ST7: variants seen among roughly 807,000 people sequenced by gnomAD.
ST7 encodes suppression of tumorigenicity 7.
ST7 carries 28 observed loss-of-function variants against 78.7 expected under a neutral mutation model. The ratio of observed to expected loss-of-function variants is 0.36; its 90% CI spans 0.26 to 0.49. The LOEUF (loss-of-function observed/expected upper bound fraction) is 0.49. ST7 is among the 20% of genes least tolerant of loss of function. The pLI is 0.99. For synonymous variants in ST7, 247 were observed against 249.6 expected (o/e 0.99, Z 0.10); for missense variants, 418 against 696.0 (o/e 0.60, Z 4.49).
chr7:117,197,293 T>C (rs1810409552), intron 12 of ST7, among the ~76,000 whole-genome samples: 1 of 152,226 alleles, frequency 6.6e-6, no homozygotes, highest in South Asian at 2.1e-4. Flanking sequence ...GTGCTGGGAT[T>C]ATGGGTGTGA....
intron 15 of ST7, 72 bp downstream of exon 15, chr7:117,222,134 G>A: frequency 1.3e-6 from 2 of 1,505,794 alleles, no homozygotes; most frequent in South Asian, 2.7e-5. Context: ...CAGCGTGAGA[G>A]AAATGGGGTT....
At chr7:116,974,284 TTTC>T (rs1365007023) in intron 1 of ST7, among the ~76,000 whole-genome samples, 1 of 152,004 alleles carries the variant, frequency 6.6e-6, no homozygotes, top group East Asian at 1.9e-4. Context: ...TGCTTTTTCT[TTTC>T]TTTTCTTTTT....
At chr7:117,111,129 C>T (rs1802395143) in intron 2 of ST7, among the ~76,000 whole-genome samples, 1 of 152,146 alleles carries the variant, frequency 6.6e-6, no homozygotes, top group Admixed American at 6.5e-5. Context: ...TCGAAATGAA[C>T]CCAGGGTAAG....
intron 9 of ST7, among the ~76,000 whole-genome samples, chr7:117,156,433 G>A (rs1230614110): frequency 1.3e-5 from 2 of 152,214 alleles, no homozygotes; most frequent in Non-Finnish European, 2.9e-5. Flanking sequence ...AGTGGGCATT[G>A]TGCTTGTGTC....
At chr7:117,086,330 G>A (rs1412481251) in intron 1 of ST7, among the ~76,000 whole-genome samples, 5 of 152,176 alleles carry the variant, frequency 3.3e-5, no homozygotes, top group African/African-American at 1.2e-4. Flanking sequence ...GAGGTTGACT[G>A]ACTCATTCAA....
chr7:116,968,321 TTCCTTCCTTTCCTCCCTC>T, intron 1 of ST7: 31 of 130,342 alleles, frequency 2.4e-4, no homozygotes, highest in Non-Finnish European at 4.7e-4. Context: ...CCTTCCTTCC[TTCCTTCCTTTCCTCCCTC>T]CCTCCCTCCC....
intron 1 of ST7, among the ~76,000 whole-genome samples, chr7:117,033,833 T>C (rs1225311788): frequency 6.6e-6 from 1 of 152,226 alleles, no homozygotes; most frequent in African/African-American, 2.4e-5. Context: ...TTCTACTAGC[T>C]GCACGACCTT....
chr7:117,074,895 A>G (rs1185281531), intron 1 of ST7, among the ~76,000 whole-genome samples: 1 of 152,208 alleles, frequency 6.6e-6, no homozygotes, highest in Non-Finnish European at 1.5e-5. Context: ...TCTTTTTGGT[A>G]CAGATGTATA....
At chr7:117,136,440 A>C in intron 8 of ST7, 1 of 633,430 alleles carries the variant, frequency 1.6e-6, no homozygotes, top group East Asian at 2.7e-5. Flanking sequence ...TTATATTCAC[A>C]TTCTCTTTCC....
At chr7:116,977,584 A>G (rs1187370698) in intron 1 of ST7, among the ~76,000 whole-genome samples, 3 of 152,182 alleles carry the variant, frequency 2.0e-5, no homozygotes, top group Non-Finnish European at 4.4e-5. Flanking sequence ...ACAAGGTTTC[A>G]CTGTTTTGCC....
intron 1 of ST7, among the ~76,000 whole-genome samples, chr7:117,005,437 T>C (rs1031709976): frequency 2.0e-5 from 3 of 152,204 alleles, no homozygotes; most frequent in African/African-American, 4.8e-5. Flanking sequence ...AAGCCACAAA[T>C]GTCCCCTGTT....
At chr7:117,138,297 T>C in intron 8 of ST7, 138 bp from the exon 9 acceptor site, 2 of 540,290 alleles carry the variant, frequency 3.7e-6, no homozygotes, top group Non-Finnish European at 6.6e-6. Context: ...GGAGTCTAAG[T>C]GCTTTTACTT....
chr7:116,957,869 A>G (rs766807657), intron 1 of ST7, among the ~76,000 whole-genome samples: 2 of 152,272 alleles, frequency 1.3e-5, no homozygotes, highest in Non-Finnish European at 2.9e-5. Flanking sequence ...AAAAAGCAGC[A>G]TAAGTGATTT....
At chr7:117,050,920 C>T (rs1797756223) in intron 1 of ST7, among the ~76,000 whole-genome samples, 1 of 119,752 alleles carries the variant, frequency 8.4e-6, no homozygotes, top group African/African-American at 3.3e-5. Flanking sequence ...CAGAGCGAGA[C>T]TACGTCTCAA....
chr7:117,187,946 T>C, intron 10 of ST7, among the ~76,000 whole-genome samples: 1 of 152,192 alleles, frequency 6.6e-6, no homozygotes, highest in Non-Finnish European at 1.5e-5. Flanking sequence ...TCCATGAGTG[T>C]CTGGCATTTT....
chr7:117,214,323 T>G (rs1290378045), intron 13 of ST7, among the ~76,000 whole-genome samples: 5 of 152,152 alleles, frequency 3.3e-5, no homozygotes, highest in Non-Finnish European at 7.3e-5. Flanking sequence ...AAATAATGTA[T>G]AAGATTTGAG....
intron 9 of ST7, among the ~76,000 whole-genome samples, chr7:117,167,502 A>C (rs906026696): frequency 6.6e-6 from 1 of 151,874 alleles, no homozygotes; most frequent in African/African-American, 2.4e-5. Flanking sequence ...GGAAATTATC[A>C]TCTCAGTATT....
chr7:117,010,148 G>A (rs530768299), intron 1 of ST7, among the ~76,000 whole-genome samples: 9 of 152,338 alleles, frequency 5.9e-5, no homozygotes, highest in Admixed American at 5.2e-4. Flanking sequence ...CTAGGTTCTA[G>A]GTAGCTAGTA....
At chr7:117,023,068 C>T (rs909962704) in intron 1 of ST7, 17 of 152,242 alleles carry the variant, frequency 1.1e-4, no homozygotes, top group African/African-American at 3.9e-4. Flanking sequence ...CTTTCTTTAT[C>T]TCCCCCTTGC....
Sources: gnomAD v4.1 joint callset for allele counts (sites outside exome capture counted in the v4.1 genomes callset) on GRCh38, gnomAD v4.1.1 for gene constraint, MANE v1.5 for transcripts, NCBI Gene and HGNC (gene_info 2026-07-23, HGNC 2026-07-21) for gene names.